Variants in ACACA observed in about 807,000 individuals in gnomAD.
ACACA encodes acetyl-CoA carboxylase alpha, also known as acetyl-CoA carboxylase 1.
A neutral mutation model predicts 296.1 loss-of-function variants in ACACA; 103 were observed. The observed-to-expected ratio is 0.35, with a 90% CI of 0.30 to 0.41. The LOEUF is 0.41. Ranked by LOEUF, ACACA falls within the 10% of genes least tolerant of loss-of-function variation. The pLI is 1.00. For synonymous variants in ACACA, 953 were observed against 1,038.6 expected, an observed-to-expected ratio of 0.92 and a Z score of 1.58; for missense variants, 1,554 against 2,989.7, an observed-to-expected ratio of 0.52 and a Z score of 11.20.
At chr17:37,320,223 C>T (rs1386388294) in intron 3 of ACACA, among the ~76,000 whole-genome samples, 1 of 151,944 alleles carries the variant, frequency 6.6e-6, no homozygotes, top group African/African-American at 2.4e-5. Context: ...GCTCAACAGA[C>T]CATAAGGCCT....
intron 52 of ACACA, among the ~76,000 whole-genome samples, chr17:37,100,939 A>C (rs2073324553): frequency 6.6e-6 from 1 of 152,166 alleles, no homozygotes; most frequent in Admixed American, 6.5e-5. Flanking sequence ...TCTACTAAAA[A>C]TACAAAAATT....
At chr17:37,256,453 C>T (rs2081232389) in intron 14 of ACACA, among the ~76,000 whole-genome samples, 1 of 152,112 alleles carries the variant, frequency 6.6e-6, no homozygotes, top group East Asian at 1.9e-4. Context: ...ATATTAAAAA[C>T]TAATTAATCA....
At chr17:37,200,359 T>C (rs2078189554) in intron 34 of ACACA, 68 bp downstream of exon 34, 5 of 1,479,712 alleles carry the variant, frequency 3.4e-6, no homozygotes, top group African/African-American at 1.4e-5. Context: ...AAGATTACAA[T>C]CCCATTTTTA....
intron 37 of ACACA, 28 bp downstream of exon 37, chr17:37,192,062 T>C (rs751305983): frequency 6.2e-7 from 1 of 1,605,346 alleles, no homozygotes; most frequent in Non-Finnish European, 8.5e-7. Flanking sequence ...CCCTCAGGGA[T>C]AACATCCCAT....
chr17:37,244,790 C>T, intron 20 of ACACA, 56 bp from the exon 21 acceptor site: 1 of 1,603,118 alleles, frequency 6.2e-7, no homozygotes, highest in South Asian at 1.1e-5. Flanking sequence ...AAGGTACAAA[C>T]ACACCACTGC....
chr17:37,328,966 C>A (rs139417323), intron 3 of ACACA: 197 of 398,594 alleles, frequency 4.9e-4, no homozygotes, highest in African/African-American at 3.6e-3. Context: ...AACCACTGAT[C>A]CAGACCTTTT....
Position 37,382,689 on chromosome 17 carries a change from G to A in ACACA, c.38+23573C>T, listed in dbSNP as rs185688565. 2.0e-4 allele frequency among the ~76,000 whole-genome samples: 30 copies of A among 152,158 alleles called. No homozygotes were observed. The East Asian group carries it at 3.1e-3, about 16-fold the overall frequency. On this transcript the variant is annotated intron_variant, in intron 1 of 55. Transcript: ENST00000616317. ...ATCCTGGCCAACATGGTAAAACCTC[G>A]TCTCTACTAAAAATACAAAAATTAG... is the stretch of plus-strand genomic sequence containing the variant.
At position 37,394,572 on chromosome 17, in the gene ACACA, T is replaced by C. The variant is rs566846053; in HGVS notation, c.38+11690A>G. On this transcript the variant is annotated intron_variant, in intron 1 of 55. Coordinates refer to ENST00000616317, the MANE Select transcript of ACACA (RefSeq NM_198834.3). ...TTATTAAGCTACCACACTTTGTTTT[T>C]ATAATTATTAAAGTGCATTCTCGGC... is the stretch of plus-strand genomic sequence containing the variant. 1.7e-4 allele frequency among the ~76,000 whole-genome samples: 26 copies of C among 151,934 alleles called. 1 individual carries two copies. The South Asian group carries it at 5.4e-3, about 32-fold the overall frequency.
rs1163204043 is a variant in ACACA, at chr17:37,406,294, C to A, written c.6G>T (p.Trp2Cys). Reference protein sequence around the residue: MWWSTLMSILRA... With the variant: MCWSTLMSILRA... ...TCAAGATTGACATCAGAGTAGACCACCACATCCTCTCATCATTGCGCCTCA... is the reference window on the plus strand; with the variant it reads ...TCAAGATTGACATCAGAGTAGACCAACACATCCTCTCATCATTGCGCCTCA... The change falls in exon 1 of 56, where the codon TGG becomes TGT. Residue 2 changes from tryptophan to cysteine, a missense_variant. Physicochemically the swap from Trp to Cys is radical, Grantham distance 215. This residue lies in a region of ACACA where 140 missense variants were observed against 147.7 expected (regional missense o/e 0.95). Transcript: ENST00000616317. 1 of 1,614,178 alleles carries A rather than the reference C, an allele frequency of 6.2e-7. No individual in the cohort carries two copies.
intron 45 of ACACA, among the ~76,000 whole-genome samples, chr17:37,148,579 A>G (rs901090304): frequency 9.9e-5 from 15 of 152,236 alleles, no homozygotes; most frequent in African/African-American, 3.6e-4. Flanking sequence ...GAAAGTCAAG[A>G]CTTGATAAAA....
At chr17:37,143,892 G>GT in intron 45 of ACACA, 1 of 1,535,132 alleles carries the variant, frequency 6.5e-7, no homozygotes, top group Non-Finnish European at 9.0e-7. Context: ...CTGCAGCAGT[G>GT]TTATTCCACA....
At chr17:37,253,798 T>C (rs751338513) in intron 14 of ACACA, among the ~76,000 whole-genome samples, 4 of 152,186 alleles carry the variant, frequency 2.6e-5, no homozygotes, top group African/African-American at 9.7e-5. Flanking sequence ...TTATTTTAAG[T>C]ATACAGTTCA....
chr17:37,206,895 G>A lies in ACACA; in HGVS notation c.3852-16C>T. 1 of 1,596,258 alleles carries A rather than the reference G, an allele frequency of 6.3e-7. No individual in the cohort carries two copies. The highest frequency in any genetic ancestry group is 8.6e-7 in the Non-Finnish European group (1 of 1,163,912). ...ATCAAAGATCCTAAAAAATACAAGA[G>A]AAACACCCACCATGAAAACTCAAGT... is the stretch of plus-strand genomic sequence containing the variant. On this transcript the variant is annotated splice_polypyrimidine_tract_variant and intron_variant, in intron 31 of 55. Coordinates refer to ENST00000616317, the MANE Select transcript of ACACA (RefSeq NM_198834.3).
Position 37,234,990 on chromosome 17 carries a change from C to T in ACACA, c.3231G>A (p.Leu1077=), listed in dbSNP as rs2080041046. Reference sequence around the variant, plus strand: ...TGGTACTCACAATAAGCATTGTGACCAGAAGATTCTTCTTGGTGACTTGAG... The same window carrying T: ...TGGTACTCACAATAAGCATTGTGACTAGAAGATTCTTCTTGGTGACTTGAG... ...SHAQVTKKNL[L]VTMLIDQLCG... Residue 1077 remains leucine, a synonymous_variant, in exon 25 of 56, where the codon CTG becomes CTA. Coordinates refer to ENST00000616317, the MANE Select transcript of ACACA (RefSeq NM_198834.3). 2 of 1,613,688 alleles carry T rather than the reference C, an allele frequency of 1.2e-6. No individual in the cohort carries two copies. Among genetic ancestry groups the T allele is most frequent in the Non-Finnish European group, 1.7e-6 (2 of 1,179,906 alleles).
chr17:37,163,129 CCTT>C (rs1021085416), intron 41 of ACACA: 3 of 145,916 alleles, frequency 2.1e-5, no homozygotes, highest in Non-Finnish European at 4.4e-5. Flanking sequence ...AGTCCCAACA[CCTT>C]CTTCTAGGTG....
chr17:37,130,610 CT>C (rs1352791833), intron 45 of ACACA, among the ~76,000 whole-genome samples: 1 of 151,670 alleles, frequency 6.6e-6, no homozygotes, highest in East Asian at 1.9e-4. Flanking sequence ...ACAAAAAATA[CT>C]TTTAACAATC....
intron 41 of ACACA, among the ~76,000 whole-genome samples, chr17:37,171,288 C>T (rs2076874363): frequency 1.3e-5 from 2 of 152,094 alleles, no homozygotes; most frequent in African/African-American, 4.8e-5. Context: ...TTAGCGCTAA[C>T]CCAGACTTGG....
intron 25 of ACACA, 76 bp from the exon 26 acceptor site, chr17:37,226,528 A>G (rs903579094): frequency 3.9e-6 from 5 of 1,277,602 alleles, no homozygotes; most frequent in Non-Finnish European, 5.7e-6. Context: ...AAATAGAGAA[A>G]AGGAATGAAA....
At chr17:37,106,623 T>C (rs2073702699) in intron 52 of ACACA, among the ~76,000 whole-genome samples, 1 of 152,150 alleles carries the variant, frequency 6.6e-6, no homozygotes, top group African/African-American at 2.4e-5. Flanking sequence ...CGCAGACATA[T>C]CCATATAAAA....
Sources: allele counts gnomAD v4.1 joint callset (sites outside exome capture counted in the v4.1 genomes callset), GRCh38; gene constraint gnomAD v4.1.1; regional missense constraint gnomAD v4.1.1; transcripts MANE v1.5; gene names NCBI Gene and HGNC (gene_info 2026-07-23, HGNC 2026-07-21).